Variants in ABCA13 observed in about 807,000 individuals in gnomAD.
The protein encoded by ABCA13 is ATP-binding cassette sub-family A member 13.
In ABCA13, 476 loss-of-function variants were observed where a neutral mutation model predicts 478.7. The ratio of observed to expected loss-of-function variants is 0.99; its 90% CI spans 0.92 to 1.07. ABCA13 has a LOEUF of 1.07. Ranked by LOEUF, ABCA13 falls within the 50% of genes least tolerant of loss-of-function variation. The pLI is 0.00. For missense variants in ABCA13, 6,060 were observed against 5,910.6 expected, an observed-to-expected ratio of 1.03 and a Z score of -0.83; for synonymous variants, 2,252 against 2,158.9, an observed-to-expected ratio of 1.04 and a Z score of -1.20.
intron 38 of ABCA13, among the ~76,000 whole-genome samples, chr7:48,400,638 T>C (rs555752565): frequency 1.3e-5 from 2 of 152,382 alleles, no homozygotes; most frequent in Non-Finnish European, 2.9e-5. Flanking sequence ...TCTTCTTTAA[T>C]TTTTAAGTCC....
intron 5 of ABCA13, among the ~76,000 whole-genome samples, chr7:48,225,487 A>G (rs181544533): frequency 5.9e-5 from 9 of 152,296 alleles, no homozygotes; most frequent in Non-Finnish European, 1.2e-4. Flanking sequence ...TATTTAACCT[A>G]TAGACTTTTT....
At chr7:48,496,208 C>G (rs1239108332) in intron 48 of ABCA13, among the ~76,000 whole-genome samples, 1 of 151,376 alleles carries the variant, frequency 6.6e-6, no homozygotes, top group Non-Finnish European at 1.5e-5. Context: ...TTTTTTGATT[C>G]TATTATGATT....
chr7:48,338,524 C>G, intron 29 of ABCA13, 69 bp downstream of exon 29: 2 of 1,232,174 alleles, frequency 1.6e-6, no homozygotes, highest in Non-Finnish European at 2.2e-6. Flanking sequence ...TGGGTCCTCC[C>G]CCTTGGGCCA....
At chr7:48,287,188 G>A (rs554790391) in intron 19 of ABCA13, among the ~76,000 whole-genome samples, 1 of 152,222 alleles carries the variant, frequency 6.6e-6, no homozygotes, top group Non-Finnish European at 1.5e-5. Flanking sequence ...TGGCCTTGAG[G>A]AGACAGGAGG....
intron 59 of ABCA13, among the ~76,000 whole-genome samples, chr7:48,620,126 TGAG>T (rs931227713): frequency 2.0e-5 from 3 of 151,900 alleles, no homozygotes; most frequent in Non-Finnish European, 4.4e-5. Context: ...CATGGAGCTC[TGAG>T]GAGGAGGAGG....
At chr7:48,219,791 C>T (rs1456911076) in intron 4 of ABCA13, among the ~76,000 whole-genome samples, 2 of 151,966 alleles carry the variant, frequency 1.3e-5, no homozygotes, top group Non-Finnish European at 2.9e-5. Context: ...TACCTTCTCA[C>T]CACTCTGCCT....
chr7:48,299,612 A>G (rs1417254226), intron 23 of ABCA13, among the ~76,000 whole-genome samples: 1 of 152,230 alleles, frequency 6.6e-6, no homozygotes, highest in African/African-American at 2.4e-5. Context: ...GGAAAGAAGC[A>G]GTGGAAGGAG....
rs139373812 is a variant in ABCA13, at chr7:48,501,792, T to C, written c.13292-4544T>C. Among the ~76,000 whole-genome samples, 423 of 152,332 alleles carry C rather than the reference T, an allele frequency of 2.8e-3. 2 individuals are homozygous for C. The highest frequency in any genetic ancestry group is 4.2e-3 in the Admixed American group (65 of 15,310). The stretch of plus-strand genomic sequence containing the variant: ...GTCATAGTTGAGGTTTTCATTTCTA[T>C]GTTATGCTGTCATTGGGATCCATTG... On this transcript the variant is annotated intron_variant, in intron 48 of 61. Coordinates refer to ENST00000435803, the MANE Select transcript of ABCA13 (RefSeq NM_152701.5).
chr7:48,201,538 G>A (rs1439488852), intron 3 of ABCA13, among the ~76,000 whole-genome samples: 1 of 152,088 alleles, frequency 6.6e-6, no homozygotes, highest in African/African-American at 2.4e-5. Context: ...TGGCCAACAG[G>A]CTGAAACCCT....
intron 41 of ABCA13, among the ~76,000 whole-genome samples, chr7:48,418,072 T>A (rs1314343679): frequency 6.6e-6 from 1 of 152,150 alleles, no homozygotes; most frequent in Non-Finnish European, 1.5e-5. Context: ...ATAGTCTATT[T>A]ATCTATTCAT....
chr7:48,474,574 T>A (rs188476233), intron 45 of ABCA13, among the ~76,000 whole-genome samples: 1 of 152,242 alleles, frequency 6.6e-6, no homozygotes, highest in African/African-American at 2.4e-5. Context: ...GGTAAGGAGT[T>A]TTTTGGTCAG....
chr7:48,475,029 A>G (rs969203507), intron 45 of ABCA13, among the ~76,000 whole-genome samples: 1 of 152,250 alleles, frequency 6.6e-6, no homozygotes, highest in African/African-American at 2.4e-5. Flanking sequence ...TCTTTGCCAC[A>G]GCTCTTCTAA....
At chr7:48,239,581 G>A (rs1194727533) in intron 9 of ABCA13, among the ~76,000 whole-genome samples, 176 bp downstream of exon 9, 1 of 152,188 alleles carries the variant, frequency 6.6e-6, no homozygotes, top group Non-Finnish European at 1.5e-5. Flanking sequence ...TGCATCAACT[G>A]GCTCCAGCTC....
At chr7:48,358,807 T>C (rs928765528) in intron 31 of ABCA13, among the ~76,000 whole-genome samples, 3 of 152,048 alleles carry the variant, frequency 2.0e-5, no homozygotes, top group African/African-American at 7.3e-5. Flanking sequence ...CTCTACCTAG[T>C]AAAATATAGG....
rs4072503 is a variant in ABCA13 at position 48,527,581 on chromosome 7, A to C, written c.14245-655A>C. Reference sequence around the variant, plus strand: ...AGACAGCAAGAAGGCCATTTTTCACATTGGCTGTAAGGCGAGATTTGATCA... The same window carrying C: ...AGACAGCAAGAAGGCCATTTTTCACCTTGGCTGTAAGGCGAGATTTGATCA... On this transcript the variant is annotated intron_variant, in intron 54 of 61. Transcript: ENST00000435803. Among the ~76,000 whole-genome samples the C allele has an allele frequency of 2.8e-4, 43 of 152,216 alleles. No homozygotes were observed. In the Middle Eastern group the frequency reaches 0.01, roughly 36 times the overall value.
At chr7:48,480,057 C>G (rs1173618616) in intron 45 of ABCA13, among the ~76,000 whole-genome samples, 1 of 152,198 alleles carries the variant, frequency 6.6e-6, no homozygotes, top group African/African-American at 2.4e-5. Flanking sequence ...ACTTACATTT[C>G]TCTCACCTGA....
chr7:48,231,500 G>A (rs1262029053), intron 7 of ABCA13, among the ~76,000 whole-genome samples: 3 of 152,088 alleles, frequency 2.0e-5, no homozygotes, highest in Admixed American at 6.6e-5. Flanking sequence ...GCCAAAACAC[G>A]AGTGGCCATG....
In ABCA13 at chr7:48,275,244, G is replaced by T; in HGVS notation, c.5578G>T (p.Asp1860Tyr). The T allele has an allele frequency of 1.2e-6, 2 of 1,613,822 alleles. No homozygotes were observed. The highest frequency in any genetic ancestry group is 2.2e-5 in the East Asian group (1 of 44,868). Residue 1860 changes from aspartate (D) to tyrosine (Y), a missense_variant, in exon 17 of 62, where the codon GAT becomes TAT. Physicochemically the swap from Asp to Tyr is radical, Grantham distance 160 (BLOSUM62 -3). Transcript: ENST00000435803. ...SFYGKVASILDHFHLSPQGED... is the reference protein window; with the variant it reads ...SFYGKVASILYHFHLSPQGED... The stretch of plus-strand genomic sequence containing the variant: ...TTATGGCAAAGTGGCCAGTATACTT[G>T]ATCATTTCCACCTGTCTCCCCAAGG...
intron 51 of ABCA13, among the ~76,000 whole-genome samples, chr7:48,512,658 A>G (rs1282162588): frequency 1.3e-5 from 2 of 152,214 alleles, no homozygotes; most frequent in East Asian, 1.9e-4. Context: ...TAAAACTTAG[A>G]TGAAATGGTT....
Sources: allele counts gnomAD v4.1 joint callset (sites outside exome capture counted in the v4.1 genomes callset), GRCh38; gene constraint gnomAD v4.1.1; transcripts MANE v1.5; gene names NCBI Gene and HGNC (gene_info 2026-07-23, HGNC 2026-07-21).